Variants in TNC observed in about 807,000 individuals in gnomAD.
TNC encodes the protein tenascin.
A neutral mutation model predicts 202.4 loss-of-function variants in TNC; 109 were observed. The ratio of observed to expected loss-of-function variants is 0.54; its 90% confidence interval spans 0.46 to 0.63. TNC has a LOEUF of 0.63. Among genes scored for constraint, TNC ranks in the 30% least tolerant of loss-of-function variants. The pLI is 0.00. For synonymous variants in TNC, 1,007 were observed against 1,089.7 expected, an observed-to-expected ratio of 0.92 and a Z score of 1.50; for missense variants, 2,756 against 2,833.3, an observed-to-expected ratio of 0.97 and a Z score of 0.62.
intron 20 of TNC, 145 bp from the exon 21 acceptor site, chr9:115,036,386 C>T (rs1830337322): frequency 1.1e-6 from 1 of 884,136 alleles, no homozygotes; most frequent in Non-Finnish European, 1.8e-6. Flanking sequence ...TGAAATGACT[C>T]ACGCTCTCTT....
chr9:115,034,776 A>G (rs1830194147), intron 22 of TNC, among the ~76,000 whole-genome samples: 2 of 152,236 alleles, frequency 1.3e-5, no homozygotes, highest in South Asian at 4.1e-4. Context: ...AATATAAATA[A>G]TATAAACACT....
chr9:115,084,143 G>A (rs1834523218), intron 4 of TNC, 66 bp downstream of exon 4: 46 of 1,543,490 alleles, frequency 3.0e-5, no homozygotes, highest in Non-Finnish European at 4.0e-5. Context: ...GCCGTGGCGA[G>A]GGAGGGTTAT....
At chr9:115,046,388 C>G in intron 17 of TNC, 22 bp downstream of exon 17, 2 of 1,611,894 alleles carry the variant, frequency 1.2e-6, no homozygotes, top group Non-Finnish European at 8.5e-7. Context: ...TTTCTCTGTT[C>G]TCTCCTGTTT....
At chr9:115,031,710 T>A (rs1488615261) in intron 22 of TNC, 25 bp from the exon 23 acceptor site, 2 of 1,600,824 alleles carry the variant, frequency 1.2e-6, no homozygotes, top group Non-Finnish European at 1.7e-6. Context: ...AAAAGTATAA[T>A]GGCTTTTGGT....
chr9:115,109,515 T>G (rs1361134083), intron 1 of TNC, among the ~76,000 whole-genome samples: 3 of 152,236 alleles, frequency 2.0e-5, no homozygotes, highest in Non-Finnish European at 4.4e-5. Context: ...TGTCCTAAGA[T>G]AGAGAGCTCT....
intron 15 of TNC, 65 bp downstream of exon 15, chr9:115,057,088 G>A: frequency 6.5e-7 from 1 of 1,530,822 alleles, no homozygotes; most frequent in Non-Finnish European, 8.8e-7. Flanking sequence ...AGGAGAAGGA[G>A]AGGCTTCACC....
At chr9:115,068,337 C>A (rs757673792) in intron 10 of TNC, among the ~76,000 whole-genome samples, 1 of 152,196 alleles carries the variant, frequency 6.6e-6, no homozygotes, top group Non-Finnish European at 1.5e-5. Flanking sequence ...GTGGGTTGAG[C>A]AGCTGGTCTG....
At chr9:115,037,405 T>C (rs1830412633) in intron 20 of TNC, among the ~76,000 whole-genome samples, 1 of 152,262 alleles carries the variant, frequency 6.6e-6, no homozygotes, top group Non-Finnish European at 1.5e-5. Context: ...TTATATTTGA[T>C]TTTACTTTCT....
In TNC at chr9:115,073,637, G is replaced by C. The variant is rs929046065; in HGVS notation, c.3180C>G (p.His1060Gln). ...CCTTCACACGTGCGGGCTTGCTCTT[G>C]TGTCTGCCTTTCTCGGCTGTCAGGA... Reference protein sequence around the residue: ...NVLLTAEKGRHKSKPARVKAS... With the variant: ...NVLLTAEKGRQKSKPARVKAS... Residue 1060 changes from histidine (H) to glutamine (Q), a missense_variant, in exon 10 of 28, where the codon CAC (histidine) becomes CAG (glutamine). By Grantham distance (24) the His-to-Gln change is conservative (BLOSUM62 0). This residue lies in a region of TNC where 2,559 missense variants were observed against 2,546.0 expected (regional missense o/e 1.01). Transcript: ENST00000350763. 1 of 1,614,174 alleles carries C rather than the reference G, an allele frequency of 6.2e-7. No individual in the cohort carries two copies. Among genetic ancestry groups the C allele is most frequent in the Non-Finnish European group, 8.5e-7 (1 of 1,180,034 alleles).
chr9:115,062,573 C>G (rs559999132), intron 13 of TNC, among the ~76,000 whole-genome samples: 33 of 146,562 alleles, frequency 2.3e-4, no homozygotes, highest in Admixed American at 4.1e-4. Context: ...CACACCATTG[C>G]ATTCTAGCCT....
intron 1 of TNC, among the ~76,000 whole-genome samples, chr9:115,104,042 A>G (rs1468254936): frequency 6.6e-6 from 1 of 152,250 alleles, no homozygotes; most frequent in African/African-American, 2.4e-5. Context: ...ACTGCAGAGC[A>G]CTTGCTTTCT....
chr9:115,034,410 G>C (rs916167319), intron 22 of TNC, among the ~76,000 whole-genome samples: 1 of 152,186 alleles, frequency 6.6e-6, no homozygotes, highest in Non-Finnish European at 1.5e-5. Context: ...ATGATCAACA[G>C]ACATTGGGTG....
chr9:115,081,778 T>G lies in TNC; in HGVS notation c.2398A>C (p.Thr800Pro), dbSNP rs1258529236. The G allele has an allele frequency of 3.7e-6, 6 of 1,613,988 alleles. No homozygotes were observed. The South Asian group carries it at 6.6e-5, about 18-fold the overall frequency. ...TATTAAAGGTGATACTCACGTGTGG[T>G]GGTCACCCTCTTCAGGCCAGGGCCC... ...TRGPGLKRVTTTRLDAPSQIE... is the reference protein window; with the variant it reads ...TRGPGLKRVTPTRLDAPSQIE... The change falls in exon 6 of 28, where the codon ACC (threonine) becomes CCC (proline). Residue 800 changes from threonine to proline, a missense_variant. Around this residue, in one of 2 missense-constraint regions of TNC, gnomAD observed 2,559 missense variants for 2,546.0 expected, o/e 1.01. Coordinates refer to ENST00000350763, the MANE Select transcript of TNC (RefSeq NM_002160.4).
intron 15 of TNC, among the ~76,000 whole-genome samples, chr9:115,052,171 C>A (rs1228962573): frequency 6.6e-6 from 1 of 151,168 alleles, no homozygotes; most frequent in Admixed American, 6.6e-5. Flanking sequence ...CACGGATGAA[C>A]CCAGAAGACA....
chr9:115,056,712 T>G (rs1239826558), intron 15 of TNC, among the ~76,000 whole-genome samples: 2 of 152,202 alleles, frequency 1.3e-5, no homozygotes, highest in Non-Finnish European at 2.9e-5. Context: ...ACATGATTAT[T>G]AAATCACTGG....
intron 18 of TNC, 73 bp from the exon 19 acceptor site, chr9:115,041,157 AG>A: frequency 6.7e-7 from 1 of 1,485,560 alleles, no homozygotes. Context: ...CCCCAAAAAG[AG>A]TGTATCTGAT....
In TNC at chr9:115,057,330, A is replaced by G; in HGVS notation, c.4402T>C (p.Phe1468Leu). Residue 1468 changes from phenylalanine to leucine, a missense_variant, in exon 15 of 28, where the codon TTT becomes CTT. This residue lies in a region of TNC where 2,559 missense variants were observed against 2,546.0 expected (regional missense o/e 1.01). Transcript: ENST00000350763. ...TTGGAATCAATAATTTCAATGGTAA[A>G]GGTCTCGAAGATCCCATCGGTAGCC... ...WMATDGIFET[F>L]TIEIIDSNRL... The G allele has an allele frequency of 6.2e-7, 1 of 1,614,206 alleles. No individual in the cohort carries two copies. The highest frequency in any genetic ancestry group is 8.5e-7 in the Non-Finnish European group (1 of 1,180,032).
rs1431051968 is a variant in TNC, at chr9:115,065,611, CCTT to C, written c.3215-695_3215-693del. Among the ~76,000 whole-genome samples, 4 of 152,150 alleles carry C rather than the reference CCTT, an allele frequency of 2.6e-5. No homozygotes were observed. The East Asian group carries it at 7.8e-4, about 30-fold the overall frequency. On this transcript the variant is annotated intron_variant, in intron 10 of 27. Transcript: ENST00000350763. Reference sequence around the variant, plus strand: ...GGGGGTCTTGGTTTGAGCTGTCCGACCTTCTGTATTTTGAGACAATTGGCTCTT... The same window carrying C: ...GGGGGTCTTGGTTTGAGCTGTCCGACCTGTATTTTGAGACAATTGGCTCTT...
At chr9:115,021,298 A>G in intron 27 of TNC, 31 bp from the exon 28 acceptor site, 1 of 1,552,056 alleles carries the variant, frequency 6.4e-7, no homozygotes, top group South Asian at 1.1e-5. Flanking sequence ...AGAGAGAGAG[A>G]GAGAGAGAAG....
Sources: allele counts gnomAD v4.1 joint callset (sites outside exome capture counted in the v4.1 genomes callset), GRCh38; gene constraint gnomAD v4.1.1; regional missense constraint gnomAD v4.1.1; transcripts MANE v1.5; gene names NCBI Gene and HGNC (gene_info 2026-07-23, HGNC 2026-07-21).